The following CAPN1 variants were observed in gnomAD, a reference collection of about 807,000 sequenced individuals.
The protein encoded by CAPN1 is calpain-1 catalytic subunit.
A neutral mutation model predicts 105.2 loss-of-function variants in CAPN1; 77 were observed. The ratio of observed to expected loss-of-function variants is 0.73; its 90% CI spans 0.61 to 0.88. The LOEUF is 0.88. CAPN1 is among the 40% of genes least tolerant of loss of function. The pLI is 0.00. For synonymous variants in CAPN1, 355 were observed against 388.8 expected, an observed-to-expected ratio of 0.91 and a Z score of 1.02; for missense variants, 833 against 976.6, an observed-to-expected ratio of 0.85 and a Z score of 1.96.
Position 65,210,265 on chromosome 11 carries a change from A to G in CAPN1, c.1943-71A>G. ...GCCTAGCCCCAGCCCCCTCCTGGGGACCCAACCCCTCCCCCATCCTGTTGG... is the reference window on the plus strand; with the variant it reads ...GCCTAGCCCCAGCCCCCTCCTGGGGGCCCAACCCCTCCCCCATCCTGTTGG... On this transcript the variant is annotated intron_variant, in intron 19 of 21. Transcript: ENST00000279247. This position sits in a 1 kb window ranked among gnomAD's most constrained non-coding sequence, Gnocchi z 4.3. The G allele has an allele frequency of 8.0e-7, 1 of 1,242,426 alleles. No homozygotes were observed. The highest frequency in any genetic ancestry group is 1.2e-6 in the Non-Finnish European group (1 of 857,856). The allele number at this position is 1,242,426 out of a possible 1,614,324, so 77.0% of individuals were successfully genotyped here.
At chr11:65,196,803 T>C (rs2137355064) in intron 10 of CAPN1, among the ~76,000 whole-genome samples, 2 of 152,344 alleles carry the variant, frequency 1.3e-5, no homozygotes, top group African/African-American at 4.8e-5. Flanking sequence ...AAATGTGACC[T>C]ACATAAGATC....
At chr11:65,200,825 G>C (rs1325787955) in intron 10 of CAPN1, among the ~76,000 whole-genome samples, 1 of 150,638 alleles carries the variant, frequency 6.6e-6, no homozygotes, top group Non-Finnish European at 1.5e-5. Context: ...GAGAGATGGG[G>C]TCTTGCTAGG....
Position 65,188,108 on chromosome 11 carries a change from G to A in CAPN1, c.929+68G>A, listed in dbSNP as rs1370915747. The A allele has an allele frequency of 9.7e-6, 11 of 1,135,498 alleles. No homozygotes were observed. In the Admixed American group the frequency reaches 1.2e-4, roughly 13 times the overall value. 70.3% of individuals were successfully genotyped at this position (1,135,498 alleles called of 1,614,324 possible). ...GTTAGGTGCCCCGACATTTCTGCTC[G>A]GGACTCTACCAGGCCAGGCTGGACT... On this transcript the variant is annotated intron_variant, in intron 8 of 21. Transcript: ENST00000279247. The surrounding 1 kb of genome is among the most constrained non-coding windows in gnomAD (Gnocchi z 5.5).
At chr11:65,211,168 C>T (rs1276410955) in intron 21 of CAPN1, 92 bp from the exon 22 acceptor site, 48 of 1,413,766 alleles carry the variant, frequency 3.4e-5, no homozygotes, top group East Asian at 1.6e-4. Context: ...GCTCCTGAGA[C>T]GTGGAGTTGG....
chr11:65,193,258 C>T (rs1196579394), intron 10 of CAPN1, among the ~76,000 whole-genome samples: 12 of 151,528 alleles, frequency 7.9e-5, no homozygotes, highest in South Asian at 2.1e-4. Flanking sequence ...GGATTACAGG[C>T]GTGAGCCACT....
chr11:65,209,437 A>G lies in CAPN1; in HGVS notation c.1794+50A>G, dbSNP rs1949011545. On this transcript the variant is annotated intron_variant, in intron 17 of 21. Coordinates refer to ENST00000279247, the MANE Select transcript of CAPN1 (RefSeq NM_005186.4). This position sits in a 1 kb window ranked among gnomAD's most constrained non-coding sequence, Gnocchi z 4.1. ...CCTGAGTGGGGTTTTGGGTGGAGGTATCGGTGCTGGGAGAACTGTCCCAGG... is the reference window on the plus strand; with the variant it reads ...CCTGAGTGGGGTTTTGGGTGGAGGTGTCGGTGCTGGGAGAACTGTCCCAGG... 6.7e-7 allele frequency: 1 copy of G among 1,498,846 alleles called. No individual in the cohort carries two copies. Among genetic ancestry groups the G allele is most frequent in the South Asian group, 1.1e-5 (1 of 87,050 alleles). The allele number at this position is 1,498,846 out of a possible 1,614,324, so 92.8% of individuals were successfully genotyped here.
Position 65,210,365 on chromosome 11 carries a change from C to T in CAPN1, c.1972C>T (p.Leu658Phe). 5 of 1,613,058 alleles carry T rather than the reference C, an allele frequency of 3.1e-6. No individual in the cohort carries two copies. The highest frequency in any genetic ancestry group is 4.2e-6 in the Non-Finnish European group (5 of 1,179,456). ...CAAGCTCAACAAGAAGCTGTACGAG[C>T]TCATCATCACCCGCTACTCGGAGCC... Reference protein sequence around the residue: ...GFKLNKKLYELIITRYSEPDL... With the variant: ...GFKLNKKLYEFIITRYSEPDL... Residue 658 changes from leucine (L) to phenylalanine (F), a missense_variant, in exon 20 of 22, where the codon CTC becomes TTC. Coordinates refer to ENST00000279247, the MANE Select transcript of CAPN1 (RefSeq NM_005186.4). The surrounding 1 kb of genome is among the most constrained non-coding windows in gnomAD (Gnocchi z 4.3).
intron 12 of CAPN1, 82 bp downstream of exon 12, chr11:65,205,803 T>C: frequency 7.6e-7 from 1 of 1,313,074 alleles, no homozygotes; most frequent in South Asian, 1.2e-5. Context: ...AAACCCACCC[T>C]GGCCTGGAGA....
chr11:65,181,684 C>A (rs532781711), upstream of CAPN1: 3 of 324,234 alleles, frequency 9.3e-6, no homozygotes, highest in Non-Finnish European at 1.9e-5. The surrounding 1 kb of genome is among the most constrained non-coding windows in gnomAD (Gnocchi z 4.6). Flanking sequence ...CCCATCCCCC[C>A]CCGCGCTGGC....
At chr11:65,181,701 C>T (rs1948534145), upstream of CAPN1, 1 of 300,242 alleles carries the variant, frequency 3.3e-6, no homozygotes, top group Non-Finnish European at 6.7e-6. The surrounding 1 kb of genome is among the most constrained non-coding windows in gnomAD (Gnocchi z 4.6). Flanking sequence ...TGGCCCCTCC[C>T]CGGGGACTGC....
Position 65,210,041 on chromosome 11 carries a change from G to A in CAPN1, c.1887G>A (p.Leu629=), listed in dbSNP as rs893562764. 3 of 1,613,058 alleles carry A rather than the reference G, an allele frequency of 1.9e-6. No homozygotes were observed. The highest frequency in any genetic ancestry group is 2.2e-5 in the South Asian group (2 of 91,066). Residue 629 remains leucine, a synonymous_variant, in exon 19 of 22, where the codon CTG becomes CTA. Coordinates refer to ENST00000279247, the MANE Select transcript of CAPN1 (RefSeq NM_005186.4). This position sits in a 1 kb window ranked among gnomAD's most constrained non-coding sequence, Gnocchi z 4.3. The part of the protein sequence containing the change: ...NYLSIFRKFD[L]DKSGSMSAYE... ...AGTCCATCTTCCGGAAGTTTGACCT[G>A]GACAAGTCGGGCAGCATGAGTGCCT...
In CAPN1 at chr11:65,210,403, C is replaced by A. The variant is rs1176712087; in HGVS notation, c.2010C>A (p.Val670=). The A allele has an allele frequency of 3.1e-6, 5 of 1,613,288 alleles. No homozygotes were observed. In the East Asian group the frequency reaches 8.9e-5, roughly 29 times the overall value. Residue 670 remains valine (V), a synonymous_variant, in exon 20 of 22, where the codon GTC becomes GTA. Transcript: ENST00000279247. This position sits in a 1 kb window ranked among gnomAD's most constrained non-coding sequence, Gnocchi z 4.3. The part of the protein sequence containing the change: ...ITRYSEPDLA[V]DFDNFVCCLV... ...GCTACTCGGAGCCCGACCTGGCGGT[C>A]GACTTTGACAATTTCGTTTGCTGCC...
chr11:65,197,591 A>T (rs963505989), intron 10 of CAPN1, among the ~76,000 whole-genome samples: 6 of 152,172 alleles, frequency 3.9e-5, no homozygotes, highest in African/African-American at 1.4e-4. Context: ...ATCCAGTTTG[A>T]AAAATTTTGT....
intron 12 of CAPN1, 50 bp from the exon 13 acceptor site, chr11:65,206,413 G>T (rs1948957669): frequency 6.7e-7 from 1 of 1,484,014 alleles, no homozygotes; most frequent in Non-Finnish European, 9.4e-7. Flanking sequence ...GGCCCCTGAG[G>T]GTGGGCTGAG....
In CAPN1 at chr11:65,209,117, T is replaced by C. The variant is rs1217765937; in HGVS notation, c.1730-206T>C. ...ATTTCTTTTTACTTTGGACTAATTG[T>C]GGCTGTTGGGACTTTGGCTTGATTG... On this transcript the variant is annotated intron_variant, in intron 16 of 21. Transcript: ENST00000279247. This position sits in a 1 kb window ranked among gnomAD's most constrained non-coding sequence, Gnocchi z 4.1. 2 of 597,758 alleles carry C rather than the reference T, an allele frequency of 3.3e-6. No homozygotes were observed. Among genetic ancestry groups the C allele is most frequent in the Admixed American group, 5.7e-5 (2 of 35,160 alleles). 37.0% of individuals were successfully genotyped at this position (597,758 alleles called of 1,614,324 possible).
chr11:65,182,254 C>A, intron 1 of CAPN1: 1 of 82,242 alleles, frequency 1.2e-5, no homozygotes, highest in Non-Finnish European at 2.7e-5. Context: ...GGAGGGGGAC[C>A]CCGACCGTCT....
intron 1 of CAPN1, chr11:65,182,415 C>T: frequency 2.5e-6 from 1 of 401,124 alleles, no homozygotes; most frequent in Non-Finnish European, 4.5e-6. Context: ...TCCGCCCTGC[C>T]CCACCTGACC....
In CAPN1 at chr11:65,210,132, A is replaced by G. The variant is rs775189286; in HGVS notation, c.1942+36A>G. 3 of 1,545,882 alleles carry G rather than the reference A, an allele frequency of 1.9e-6. No homozygotes were observed. Among genetic ancestry groups the G allele is most frequent in the Non-Finnish European group, 2.7e-6 (3 of 1,119,996 alleles). ...AAGGCTGACGGCACCTGTGGGGCCC[A>G]GGACAGGTAGCCCCACTGCTCCTAT... is the stretch of plus-strand genomic sequence containing the variant. On this transcript the variant is annotated intron_variant, in intron 19 of 21. Coordinates refer to ENST00000279247, the MANE Select transcript of CAPN1 (RefSeq NM_005186.4). The surrounding 1 kb of genome is among the most constrained non-coding windows in gnomAD (Gnocchi z 4.3).
chr11:65,187,401 C>T lies in CAPN1; in HGVS notation c.843+103C>T, dbSNP rs527676964. 51 of 734,368 alleles carry T rather than the reference C, an allele frequency of 6.9e-5. No homozygotes were observed. In the South Asian group the frequency reaches 7.2e-4, roughly 10 times the overall value. 45.5% of individuals were successfully genotyped at this position (734,368 alleles called of 1,614,324 possible). A position where few individuals can be genotyped will look rare whatever the true frequency, so the allele number is the denominator to read the frequency against. ...AGGGCTGTGGAAGGTGCTGGCTCCTCCTTTCCCCTCCTGCAGCACCTTATC... is the reference window on the plus strand; with the variant it reads ...AGGGCTGTGGAAGGTGCTGGCTCCTTCTTTCCCCTCCTGCAGCACCTTATC... On this transcript the variant is annotated intron_variant, in intron 7 of 21. Transcript: ENST00000279247.
Sources: gnomAD v4.1 joint callset for allele counts (sites outside exome capture counted in the v4.1 genomes callset) on GRCh38, gnomAD v4.1.1 for gene constraint, Gnocchi (gnomAD v3.1) non-coding constraint, MANE v1.5 for transcripts, NCBI Gene and HGNC (gene_info 2026-07-23, HGNC 2026-07-21) for gene names.